The following SSBP2 variants were observed in gnomAD, a reference collection of about 807,000 sequenced individuals.
The protein encoded by SSBP2 is single-stranded DNA-binding protein 2.
A neutral mutation model predicts 61.8 loss-of-function variants in SSBP2; 17 were observed. The observed-to-expected ratio is 0.28, with a 90% confidence interval of 0.19 to 0.41. The LOEUF (loss-of-function observed/expected upper bound fraction) is 0.41, where lower values mean the gene tolerates loss of function less well. Among genes scored for constraint, SSBP2 ranks in the 10% least tolerant of loss-of-function variants. SSBP2 has a pLI of 1.00. For synonymous variants in SSBP2, 139 were observed against 141.3 expected (o/e 0.98, Z 0.12); for missense variants, 310 against 458.7 (o/e 0.68, Z 2.96).
chr5:81,712,060 A>T (rs1754829529), intron 1 of SSBP2, among the ~76,000 whole-genome samples: 1 of 151,248 alleles, frequency 6.6e-6, no homozygotes, highest in Non-Finnish European at 1.5e-5. Flanking sequence ...ATTTCTTTGG[A>T]TTACCTATTG....
chr5:81,687,820 GA>G (rs1484977316), intron 1 of SSBP2, among the ~76,000 whole-genome samples: 1 of 152,156 alleles, frequency 6.6e-6, no homozygotes, highest in East Asian at 1.9e-4. Context: ...TCTGACTAAA[GA>G]GCCCTTGGGG....
chr5:81,415,911 C>CAAAAAAA lies in SSBP2; in HGVS notation c.*4586_*4592dup, dbSNP rs1204411874. 4.3e-5 allele frequency: 1 copy of CAAAAAAA among 23,490 alleles called. No homozygotes were observed. Among genetic ancestry groups the CAAAAAAA allele is most frequent in the Non-Finnish European group, 6.7e-5 (1 of 14,978 alleles). 1.5% of individuals were successfully genotyped at this position (23,490 alleles called of 1,614,324 possible). A position where few individuals can be genotyped will look rare whatever the true frequency, so the allele number is the denominator to read the frequency against. On this transcript the variant is annotated 3_prime_UTR_variant, in exon 17 of 17. Coordinates refer to ENST00000320672, the MANE Select transcript of SSBP2 (RefSeq NM_012446.5). ...TGGGTGACAGAGCAAGATTCTGACT[C>CAAAAAAA]AAAAAAAAAAAAAAAAAAGAGGAAA...
chr5:81,612,906 CA>C (rs1745596959), intron 4 of SSBP2, among the ~76,000 whole-genome samples: 1 of 151,892 alleles, frequency 6.6e-6, no homozygotes, highest in Non-Finnish European at 1.5e-5. Flanking sequence ...TTTTCTTCCC[CA>C]AGTCTTTCAA....
At chr5:81,733,458 T>C (rs1339034887) in intron 1 of SSBP2, among the ~76,000 whole-genome samples, 3 of 151,984 alleles carry the variant, frequency 2.0e-5, no homozygotes, top group Non-Finnish European at 4.4e-5. Context: ...GAAACCCCCA[T>C]TATAGCCACA....
chr5:81,595,621 C>T (rs904548254), intron 4 of SSBP2, among the ~76,000 whole-genome samples: 1 of 152,162 alleles, frequency 6.6e-6, no homozygotes, highest in Admixed American at 6.5e-5. Flanking sequence ...AATCCAGCAG[C>T]ACATCAAAAA....
chr5:81,739,464 C>T (rs1756858893), intron 1 of SSBP2, among the ~76,000 whole-genome samples: 1 of 152,084 alleles, frequency 6.6e-6, no homozygotes, highest in Admixed American at 6.5e-5. Flanking sequence ...AGATTCAATG[C>T]TTTTTTTCAG....
chr5:81,586,103 C>T (rs1273055249), intron 4 of SSBP2, among the ~76,000 whole-genome samples: 1 of 152,174 alleles, frequency 6.6e-6, no homozygotes, highest in Non-Finnish European at 1.5e-5. Context: ...CTGCAATGAA[C>T]ATGGGAATGC....
At position 81,739,587 on chromosome 5, in the gene SSBP2, GT is replaced by G. The variant is rs201415094; in HGVS notation, c.62+11393del. Among the ~76,000 whole-genome samples the G allele has an allele frequency of 5.0e-3, 755 of 152,232 alleles. 2 individuals are homozygous for G. The highest frequency in any genetic ancestry group is 0.016 in the African/African-American group (683 of 41,524). ...GTTCCTGATGGGCAGAGATTGCCAG[GT>G]TATTAAGATCTGACTCAGGAAGGCT... On this transcript the variant is annotated intron_variant, in intron 1 of 16. Coordinates refer to ENST00000320672, the MANE Select transcript of SSBP2 (RefSeq NM_012446.5).
intron 4 of SSBP2, among the ~76,000 whole-genome samples, chr5:81,568,763 G>A (rs1203539669): frequency 2.0e-5 from 3 of 152,130 alleles, no homozygotes; most frequent in African/African-American, 7.2e-5. Flanking sequence ...TATGACAGAA[G>A]TTTTCTCTAT....
intron 14 of SSBP2, among the ~76,000 whole-genome samples, chr5:81,440,266 T>C (rs567411198): frequency 2.0e-5 from 3 of 152,262 alleles, no homozygotes; most frequent in African/African-American, 7.2e-5. Context: ...TGGGCAAGCA[T>C]GACACGTGCC....
At chr5:81,572,542 C>T (rs1581056273) in intron 4 of SSBP2, among the ~76,000 whole-genome samples, 1 of 152,082 alleles carries the variant, frequency 6.6e-6, no homozygotes, top group East Asian at 1.9e-4. Flanking sequence ...AAAGGAATGG[C>T]TCATTGGTAT....
At chr5:81,528,975 C>T (rs1012426200) in intron 4 of SSBP2, among the ~76,000 whole-genome samples, 8 of 151,704 alleles carry the variant, frequency 5.3e-5, no homozygotes, top group East Asian at 1.9e-4. Context: ...CAGATTTTCC[C>T]GCAATTCATT....
intron 4 of SSBP2, among the ~76,000 whole-genome samples, chr5:81,556,088 T>C (rs1772572057): frequency 6.6e-6 from 1 of 152,106 alleles, no homozygotes; most frequent in Non-Finnish European, 1.5e-5. Context: ...GGCAGGAGTT[T>C]GCTGGCCCAT....
chr5:81,573,835 C>CT (rs1386560747), intron 4 of SSBP2, among the ~76,000 whole-genome samples: 4 of 152,086 alleles, frequency 2.6e-5, no homozygotes, highest in African/African-American at 9.7e-5. Context: ...GATATAAGAG[C>CT]TGAGCTTAAA....
intron 4 of SSBP2, among the ~76,000 whole-genome samples, chr5:81,558,024 T>A (rs532403927): frequency 7.9e-5 from 12 of 152,304 alleles, no homozygotes; most frequent in African/African-American, 2.2e-4. Flanking sequence ...TTTTAAGATT[T>A]CTTAGATGGC....
intron 4 of SSBP2, among the ~76,000 whole-genome samples, chr5:81,528,589 C>T (rs148313320): frequency 6.9e-4 from 105 of 152,112 alleles, no homozygotes; most frequent in African/African-American, 2.4e-3. Context: ...AGTTCTAATA[C>T]ATGGTTGCCA....
intron 4 of SSBP2, among the ~76,000 whole-genome samples, chr5:81,599,011 C>A (rs1490593035): frequency 1.3e-5 from 2 of 152,096 alleles, no homozygotes; most frequent in African/African-American, 4.8e-5. Context: ...GAAGCAATAA[C>A]CTAGTATTAC....
intron 1 of SSBP2, among the ~76,000 whole-genome samples, chr5:81,725,644 C>G (rs553775098): frequency 6.6e-6 from 1 of 152,244 alleles, no homozygotes; most frequent in Non-Finnish European, 1.5e-5. Context: ...GTGGTAAGTG[C>G]ATTCACTGAC....
At chr5:81,713,590 C>T (rs1581403624) in intron 1 of SSBP2, among the ~76,000 whole-genome samples, 2 of 152,134 alleles carry the variant, frequency 1.3e-5, no homozygotes, top group East Asian at 1.9e-4. Context: ...AGATGTACAT[C>T]GCCAATAAAA....
Sources: allele counts gnomAD v4.1 joint callset (sites outside exome capture counted in the v4.1 genomes callset), GRCh38; gene constraint gnomAD v4.1.1; transcripts MANE v1.5; gene names NCBI Gene and HGNC (gene_info 2026-07-23, HGNC 2026-07-21).